The following RAB4B variants were observed in gnomAD, a reference collection of about 807,000 sequenced individuals.
The protein encoded by RAB4B is ras-related protein Rab-4B.
A neutral mutation model predicts 28.3 loss-of-function variants in RAB4B; 15 were observed. That is an observed-to-expected ratio of 0.53 (90% CI 0.35 to 0.82). RAB4B has a LOEUF of 0.82. RAB4B is among the 40% of genes least tolerant of loss of function. RAB4B has a pLI of 0.01. For synonymous variants in RAB4B, 108 were observed against 116.3 expected (o/e 0.93, Z 0.46); for missense variants, 244 against 288.5 (o/e 0.85, Z 1.12).
At position 40,780,447 on chromosome 19, in the gene RAB4B, G is replaced by A. The variant is rs150917359; in HGVS notation, c.160G>A (p.Gly54Arg). The change falls in exon 3 of 8, where the codon GGG (glycine) becomes AGG (arginine). Residue 54 changes from glycine (G) to arginine (R), a missense_variant. By Grantham distance (125) the Gly-to-Arg change is moderately radical. Coordinates refer to ENST00000357052, the MANE Select transcript of RAB4B (RefSeq NM_016154.5). The stretch of plus-strand genomic sequence containing the variant: ...TGGATCCCGGGTGGTCAACGTGGGT[G>A]GGAAGACTGTGAAGCTACAGATTTG... ...EFGSRVVNVG[G>R]KTVKLQIWDT... 1.3e-4 allele frequency: 207 copies of A among 1,613,694 alleles called. No homozygotes were observed. The highest frequency in any genetic ancestry group is 1.3e-4 in the Non-Finnish European group (150 of 1,179,914).
intron 5 of RAB4B, among the ~76,000 whole-genome samples, chr19:40,784,703 C>T (rs1464422050): frequency 2.0e-5 from 3 of 152,126 alleles, no homozygotes; most frequent in Non-Finnish European, 2.9e-5. Flanking sequence ...GCTAAGGTTT[C>T]GCCTACCGTC....
intron 7 of RAB4B, among the ~76,000 whole-genome samples, chr19:40,791,784 C>T (rs1215765641): frequency 1.3e-5 from 2 of 152,092 alleles, no homozygotes; most frequent in African/African-American, 4.8e-5. Context: ...GGGCATGGGC[C>T]ACCAACGCCT....
chr19:40,778,670 A>ACC (rs2083018406), intron 1 of RAB4B, among the ~76,000 whole-genome samples: 1 of 151,800 alleles, frequency 6.6e-6, no homozygotes, highest in Non-Finnish European at 1.5e-5. Flanking sequence ...GGTGGGCCTT[A>ACC]ATGGATCTGG....
intron 6 of RAB4B, 39 bp downstream of exon 6, chr19:40,786,799 G>A (rs1385917460): frequency 6.2e-7 from 1 of 1,614,140 alleles, no homozygotes; most frequent in Non-Finnish European, 8.5e-7. Context: ...CGAAGGGCAG[G>A]CCCGGGGGTC....
At chr19:40,786,280 C>T in intron 5 of RAB4B, 1 of 313,500 alleles carries the variant, frequency 3.2e-6, no homozygotes. Flanking sequence ...AGGAATGGGG[C>T]AGGCCCAGGC....
At chr19:40,779,684 G>A (rs370355591) in intron 1 of RAB4B, 20 of 274,502 alleles carry the variant, frequency 7.3e-5, no homozygotes, top group African/African-American at 3.6e-4. Flanking sequence ...TGGAGGTTGC[G>A]GTGAGCCGAG....
chr19:40,785,162 A>T (rs909561584), intron 5 of RAB4B, among the ~76,000 whole-genome samples: 3 of 151,796 alleles, frequency 2.0e-5, no homozygotes, highest in African/African-American at 7.3e-5. Flanking sequence ...ATCCTTGAGT[A>T]ACAGGTACTG....
At chr19:40,783,686 G>A (rs566601554) in intron 3 of RAB4B, 92 bp from the exon 4 acceptor site, 10 of 1,276,260 alleles carry the variant, frequency 7.8e-6, no homozygotes, top group Admixed American at 2.9e-5. Flanking sequence ...TGAAGGGGGG[G>A]GCCTCCGAAC....
Position 40,778,275 on chromosome 19 carries a change from A to C in RAB4B, c.-101A>C. On this transcript the variant is annotated 5_prime_UTR_variant, in exon 1 of 8. Transcript: ENST00000357052. The stretch of plus-strand genomic sequence containing the variant: ...AGTGGCGGTGCCGGGCCCGGGGAGT[A>C]GGAAGGAGCCGGGGCTGTAGCCGGA... The C allele has an allele frequency of 8.5e-7, 1 of 1,183,234 alleles. No individual in the cohort carries two copies. Among genetic ancestry groups the C allele is most frequent in the Non-Finnish European group, 1.1e-6 (1 of 871,300 alleles). 73.3% of individuals were successfully genotyped at this position (1,183,234 alleles called of 1,614,324 possible).
chr19:40,779,819 T>A (rs769349183), intron 1 of RAB4B, 200 bp from the exon 2 acceptor site: 21 of 1,303,994 alleles, frequency 1.6e-5, no homozygotes, highest in East Asian at 8.3e-5. Context: ...TGAAAAAAAA[T>A]ATATAGAATG....
At chr19:40,789,724 C>A (rs562210304) in intron 7 of RAB4B, among the ~76,000 whole-genome samples, 1 of 152,204 alleles carries the variant, frequency 6.6e-6, no homozygotes, top group East Asian at 1.9e-4. Context: ...TGGTCTCGAT[C>A]TCTTGACCTC....
chr19:40,782,198 G>C (rs552200539), intron 3 of RAB4B, among the ~76,000 whole-genome samples: 1 of 152,202 alleles, frequency 6.6e-6, no homozygotes, highest in East Asian at 1.9e-4. Flanking sequence ...AGAGAGAGGG[G>C]CTGAAGGATA....
intron 7 of RAB4B, among the ~76,000 whole-genome samples, chr19:40,793,145 A>G (rs1339764841): frequency 2.1e-4 from 32 of 152,002 alleles, no homozygotes; most frequent in Admixed American, 2.1e-3. Context: ...CTTTGTACCC[A>G]TATTTATTAA....
intron 7 of RAB4B, among the ~76,000 whole-genome samples, chr19:40,787,712 G>A (rs1288727601): frequency 6.6e-6 from 1 of 150,642 alleles, no homozygotes; most frequent in East Asian, 2.0e-4. Flanking sequence ...AGGGGACACA[G>A]GCAGAGGGGT....
In RAB4B at chr19:40,784,094, A is replaced by C; in HGVS notation, c.430+19A>C. 1 of 1,590,418 alleles carries C rather than the reference A, an allele frequency of 6.3e-7. No individual in the cohort carries two copies. The highest frequency in any genetic ancestry group is 8.6e-7 in the Non-Finnish European group (1 of 1,162,854). ...GAGAATGGTGAGGGCTGTGTCGTGGACCAGGTGGTGGTGGGGGTGGACAGT... is the reference window on the plus strand; with the variant it reads ...GAGAATGGTGAGGGCTGTGTCGTGGCCCAGGTGGTGGTGGGGGTGGACAGT... On this transcript the variant is annotated intron_variant, in intron 5 of 7. Transcript: ENST00000357052.
chr19:40,784,427 A>G (rs2083079030), intron 5 of RAB4B, among the ~76,000 whole-genome samples: 1 of 152,224 alleles, frequency 6.6e-6, no homozygotes. Context: ...TGAGAGTTTA[A>G]GACTGCAGTG....
At position 40,786,770 on chromosome 19, in the gene RAB4B, C is replaced by T. The variant is rs757062416; in HGVS notation, c.526+10C>T. 1.4e-5 allele frequency: 23 copies of T among 1,613,948 alleles called. No individual in the cohort carries two copies. Among genetic ancestry groups the T allele is most frequent in the African/African-American group, 5.3e-5 (4 of 74,920 alleles). ...AACAAGATTGACTCAGGTGAGGCCC[C>T]GACCGGCCCGAGTGGGAGCGAAGGG... On this transcript the variant is annotated intron_variant, in intron 6 of 7. Transcript: ENST00000357052.
At chr19:40,779,817 A>T (rs1393417317) in intron 1 of RAB4B, 17 of 1,305,716 alleles carry the variant, frequency 1.3e-5, no homozygotes, top group East Asian at 2.8e-5. Context: ...GTTGAAAAAA[A>T]ATATATAGAA....
intron 1 of RAB4B, among the ~76,000 whole-genome samples, 181 bp downstream of exon 1, chr19:40,778,572 C>G (rs910585768): frequency 6.6e-6 from 1 of 152,040 alleles, no homozygotes; most frequent in African/African-American, 2.4e-5. Flanking sequence ...TAGGTGGAGC[C>G]TGAGGGTCTG....
Sources: gnomAD v4.1 joint callset for allele counts (sites outside exome capture counted in the v4.1 genomes callset) on GRCh38, gnomAD v4.1.1 for gene constraint, MANE v1.5 for transcripts, NCBI Gene and HGNC (gene_info 2026-07-23, HGNC 2026-07-21) for gene names.